FRMPD4: variants seen among roughly 807,000 people sequenced by gnomAD.
FRMPD4 encodes FERM and PDZ domain-containing protein 4.
FRMPD4 carries 22 observed loss-of-function variants against 94.1 expected under a neutral mutation model. That is an observed-to-expected ratio of 0.23 (90% CI 0.17 to 0.33). The LOEUF is 0.33. Among genes scored for constraint, FRMPD4 ranks in the 10% least tolerant of loss-of-function variants. The pLI is 1.00. For missense variants in FRMPD4, 1,111 were observed against 1,339.9 expected, an observed-to-expected ratio of 0.83 and a Z score of 2.67; for synonymous variants, 631 against 548.6, an observed-to-expected ratio of 1.15 and a Z score of -2.10.
chrX:11,900,075 C>T (rs1008934268), intron 3 of FRMPD4, among the ~76,000 whole-genome samples: 4 of 111,631 alleles, frequency 3.6e-5, no homozygotes, highest in East Asian at 5.6e-4. Context: ...TGGAGTTATC[C>T]GGGGGTCTTT....
intron 3 of FRMPD4, among the ~76,000 whole-genome samples, chrX:11,926,495 G>A (rs1486746654): frequency 9.0e-6 from 1 of 111,653 alleles, no homozygotes; most frequent in East Asian, 2.8e-4. Context: ...GAACATTGAT[G>A]TAAAAATCCT....
intron 3 of FRMPD4, among the ~76,000 whole-genome samples, chrX:12,127,625 C>G (rs1468459771): frequency 8.9e-6 from 1 of 111,752 alleles, no homozygotes; most frequent in South Asian, 3.8e-4. Flanking sequence ...CATGTCCTCA[C>G]ATTTCAAAAC....
At chrX:12,346,597 T>C (rs761709921) in intron 1 of FRMPD4, among the ~76,000 whole-genome samples, 2 of 111,838 alleles carry the variant, frequency 1.8e-5, no homozygotes, top group East Asian at 5.6e-4. Flanking sequence ...AGCATACCTT[T>C]TGTACATACG....
chrX:12,640,036 C>T (rs960205469), intron 4 of FRMPD4, among the ~76,000 whole-genome samples: 1 of 111,637 alleles, frequency 9.0e-6, no homozygotes, highest in Non-Finnish European at 1.9e-5. Flanking sequence ...CGGTGGCTCA[C>T]GCCTGTAATC....
intron 4 of FRMPD4, among the ~76,000 whole-genome samples, chrX:12,616,955 G>A (rs1400252019): frequency 1.8e-5 from 2 of 112,673 alleles, no homozygotes; most frequent in East Asian, 5.5e-4. Flanking sequence ...GCCTGCTGCA[G>A]GGCAGTGACA....
At chrX:12,586,983 G>GT (rs386416633) in intron 2 of FRMPD4, among the ~76,000 whole-genome samples, 28,620 of 102,699 alleles carry the variant, frequency 0.28, 4,614 homozygotes, top group African/African-American at 0.58. Flanking sequence ...TGCTTTTTTT[G>GT]TTTTTTTTTT....
chrX:12,172,743 A>T (rs1303865972), intron 1 of FRMPD4, among the ~76,000 whole-genome samples: 1 of 112,394 alleles, frequency 8.9e-6, no homozygotes, highest in Non-Finnish European at 1.9e-5. Context: ...GAAAGGGGCC[A>T]TGAGCCAGGA....
intron 3 of FRMPD4, among the ~76,000 whole-genome samples, chrX:12,611,102 T>G (rs1167621275): frequency 8.9e-6 from 1 of 112,662 alleles, no homozygotes; most frequent in Admixed American, 9.4e-5. Flanking sequence ...GATGTTCCGC[T>G]GTCAACACAG....
chrX:12,602,087 A>C (rs1399047879), intron 2 of FRMPD4, among the ~76,000 whole-genome samples: 1 of 111,492 alleles, frequency 9.0e-6, no homozygotes, highest in Admixed American at 9.5e-5. Flanking sequence ...AAAAATATAT[A>C]TTTTCAATAT....
intron 3 of FRMPD4, among the ~76,000 whole-genome samples, chrX:12,101,336 T>C (rs2055253990): frequency 9.0e-6 from 1 of 111,423 alleles, no homozygotes; most frequent in Non-Finnish European, 1.9e-5. Flanking sequence ...TCCTGGTCTT[T>C]AGCACATCTT....
rs1193261162 is a variant in FRMPD4, at chrX:12,225,891, A to C, written c.41+86879A>C. ...ACAAATGAAGAATTAAACATGCTTG[A>C]GCCCAGGTGCTGTACACTGCTGGAG... On this transcript the variant is annotated intron_variant, in intron 1 of 16. Transcript: ENST00000675598. 2.7e-5 allele frequency among the ~76,000 whole-genome samples: 3 copies of C among 112,027 alleles called. No individual in the cohort carries two copies. The East Asian group carries it at 8.5e-4, about 32-fold the overall frequency.
intron 1 of FRMPD4, among the ~76,000 whole-genome samples, chrX:12,350,308 T>G (rs1388256349): frequency 2.7e-5 from 3 of 112,050 alleles, no homozygotes; most frequent in African/African-American, 9.7e-5. Context: ...CTTTTAATTT[T>G]CATAATTTAA....
intron 2 of FRMPD4, among the ~76,000 whole-genome samples, chrX:12,563,834 T>C (rs753943832): frequency 8.9e-6 from 1 of 112,357 alleles, no homozygotes; most frequent in Non-Finnish European, 1.9e-5. Context: ...TTCAAAGTAA[T>C]GTTAGATATC....
chrX:12,468,811 T>C (rs1436362301), intron 1 of FRMPD4, among the ~76,000 whole-genome samples: 1 of 111,963 alleles, frequency 8.9e-6, no homozygotes, highest in Admixed American at 9.5e-5. Flanking sequence ...TTTGGAGAGA[T>C]GCTCAAAGAG....
At position 12,638,775 on chromosome X, in the gene FRMPD4, C is replaced by T. The variant is rs774665363; in HGVS notation, c.422+23894C>T. On this transcript the variant is annotated intron_variant, in intron 4 of 16. Coordinates refer to ENST00000675598, the MANE Select transcript of FRMPD4 (RefSeq NM_001368397.1). Reference sequence around the variant, plus strand: ...TTCTACTGCCAGTTAGTATTAATACCTATAAGGCAAGCAGCTACCTAACTC... The same window carrying T: ...TTCTACTGCCAGTTAGTATTAATACTTATAAGGCAAGCAGCTACCTAACTC... 1.2e-4 allele frequency among the ~76,000 whole-genome samples: 13 copies of T among 111,301 alleles called. No homozygotes were observed. In the South Asian group the frequency reaches 4.2e-3, roughly 36 times the overall value.
chrX:12,323,014 C>T (rs766059981), intron 1 of FRMPD4, among the ~76,000 whole-genome samples: 1 of 111,461 alleles, frequency 9.0e-6, no homozygotes, highest in Non-Finnish European at 1.9e-5. Flanking sequence ...ATGCTATGAA[C>T]GTTTTATATG....
intron 1 of FRMPD4, among the ~76,000 whole-genome samples, chrX:12,398,555 C>T (rs977755691): frequency 9.0e-6 from 1 of 111,129 alleles, no homozygotes; most frequent in Admixed American, 9.6e-5. Flanking sequence ...TTTTGTGCTT[C>T]CTGGAATTAG....
rs1299912511 is a variant in FRMPD4, at chrX:12,094,631, C to T, written c.95+216613C>T. Among the ~76,000 whole-genome samples, 3 of 112,015 alleles carry T rather than the reference C, an allele frequency of 2.7e-5. No homozygotes were observed. The Admixed American group carries it at 2.8e-4, about 11-fold the overall frequency. On this transcript the variant is annotated intron_variant, in intron 3 of 18. Coordinates refer to the FRMPD4 transcript ENST00000640291. The stretch of plus-strand genomic sequence containing the variant: ...AATGTATGGTTTCTAGGTCAGACTG[C>T]CTGCGTTTGAACTTTGATCCCAGCA...
rs1025405463 is a variant in FRMPD4 at position 12,559,475 on chromosome X, C to T, written c.159-50246C>T. On this transcript the variant is annotated intron_variant, in intron 2 of 16. Transcript: ENST00000675598. ...GACAAGCCTGGCCAACATAGTGAAA[C>T]GCCATCTCTACTAAAAATACAAAAA... is the stretch of plus-strand genomic sequence containing the variant. Among the ~76,000 whole-genome samples, 3 of 110,661 alleles carry T rather than the reference C, an allele frequency of 2.7e-5. 1 individual carries two copies. The Admixed American group carries it at 2.9e-4, about 11-fold the overall frequency.
Sources: gnomAD v4.1 joint callset for allele counts (sites outside exome capture counted in the v4.1 genomes callset) on GRCh38, gnomAD v4.1.1 for gene constraint, MANE v1.5 for transcripts, NCBI Gene and HGNC (gene_info 2026-07-23, HGNC 2026-07-21) for gene names.